Variants in TAF10 observed in about 807,000 individuals in gnomAD.
TAF10 encodes the protein TATA-box binding protein associated factor 10, also known as transcription initiation factor TFIID subunit 10.
Under a neutral mutation model 18.1 loss-of-function variants are expected in TAF10, and 2 were observed. The observed-to-expected ratio is 0.11, with a 90% CI of 0.05 to 0.35. The LOEUF (loss-of-function observed/expected upper bound fraction) is 0.35, where lower values mean the gene tolerates loss of function less well. Ranked by LOEUF, TAF10 falls within the 10% of genes least tolerant of loss-of-function variation. The probability of loss-of-function intolerance (pLI) is 1.00; values close to 1 mark genes in which losing one functional copy is unlikely to be tolerated. For synonymous variants in TAF10, 158 were observed against 134.6 expected (o/e 1.17, Z -1.20); for missense variants, 293 against 306.9 (o/e 0.95, Z 0.34).
rs1169840219 is a variant in TAF10 at position 6,610,610 on chromosome 11, A to G, written c.*312T>C. The G allele has an allele frequency of 1.9e-6, 3 of 1,614,118 alleles. No individual in the cohort carries two copies. Reference sequence around the variant, plus strand: ...ATCCTTGAGAAGATGCAGGACAAGTAGGACTGGAAGGTCCTTGCCTGAACT... The same window carrying G: ...ATCCTTGAGAAGATGCAGGACAAGTGGGACTGGAAGGTCCTTGCCTGAACT... On this transcript the variant is annotated 3_prime_UTR_variant, in exon 5 of 5. Coordinates refer to ENST00000299424, the MANE Select transcript of TAF10 (RefSeq NM_006284.4).
In TAF10 at chr11:6,610,966, T is replaced by C; in HGVS notation, c.613A>G (p.Ser205Gly). ...TTCTTCACATTGATGCCATACTCGC[T>C]GAGGGCAGGGGTCAAGTCCTCCATG... ...LTMEDLTPAL[S>G]EYGINVKKPH... The change falls in exon 5 of 5, where the codon AGC becomes GGC. Residue 205 changes from serine (S) to glycine (G), a missense_variant. By Grantham distance (56) the Ser-to-Gly change is moderately conservative. Coordinates refer to ENST00000299424, the MANE Select transcript of TAF10 (RefSeq NM_006284.4). 1 of 1,614,202 alleles carries C rather than the reference T, an allele frequency of 6.2e-7. No homozygotes were observed. Among genetic ancestry groups the C allele is most frequent in the East Asian group, 2.2e-5 (1 of 44,884 alleles).
rs1305586718 is a variant in TAF10, at chr11:6,608,715, C to G, written c.*2207G>C. On this transcript the variant is annotated 3_prime_UTR_variant, in exon 5 of 5. Transcript: ENST00000299424. This position sits in a 1 kb window ranked among gnomAD's most constrained non-coding sequence, Gnocchi z 4.9. ...CCAGGACCTGGTGGCAAATGGGGCCCTTGTCAGCATCTGTAACAAGTATGG... is the reference window on the plus strand; with the variant it reads ...CCAGGACCTGGTGGCAAATGGGGCCGTTGTCAGCATCTGTAACAAGTATGG... The G allele has an allele frequency of 3.1e-6, 5 of 1,614,126 alleles. No homozygotes were observed. The East Asian group carries it at 8.9e-5, about 29-fold the overall frequency.
rs778268421 is a variant in TAF10 at position 6,609,451 on chromosome 11, C to T, written c.*1471G>A. ...CTGGAAGCTGCTAGTTCCAAGGAAC[C>T]CTGAATAGCACTGAAAGAGATCTTT... is the stretch of plus-strand genomic sequence containing the variant. On this transcript the variant is annotated 3_prime_UTR_variant, in exon 5 of 5. Coordinates refer to ENST00000299424, the MANE Select transcript of TAF10 (RefSeq NM_006284.4). 2.7e-5 allele frequency: 43 copies of T among 1,613,694 alleles called. No homozygotes were observed. The highest frequency in any genetic ancestry group is 1.3e-5 in the Non-Finnish European group (15 of 1,179,808).
Position 6,609,920 on chromosome 11 carries a change from G to A in TAF10, c.*1002C>T, listed in dbSNP as rs1564849157. 6.2e-7 allele frequency: 1 copy of A among 1,614,138 alleles called. No individual in the cohort carries two copies. The highest frequency in any genetic ancestry group is 1.1e-5 in the South Asian group (1 of 91,088). Reference sequence around the variant, plus strand: ...ATCTATGACTTACCTCCTTCTATCTGTTTTCTCTTCCTCAGATTGATGAGG... The same window carrying A: ...ATCTATGACTTACCTCCTTCTATCTATTTTCTCTTCCTCAGATTGATGAGG... On this transcript the variant is annotated 3_prime_UTR_variant, in exon 5 of 5. Transcript: ENST00000299424.
At chr11:6,611,883 T>G (rs1855473023) in intron 1 of TAF10, 65 bp from the exon 2 acceptor site, 12 of 1,565,934 alleles carry the variant, frequency 7.7e-6, no homozygotes, top group Non-Finnish European at 8.6e-6. Flanking sequence ...TAGGTCTGTC[T>G]ATACCCTCTG....
intron 4 of TAF10, 81 bp from the exon 5 acceptor site, chr11:6,611,092 AC>A: frequency 3.8e-6 from 6 of 1,588,546 alleles, no homozygotes; most frequent in Non-Finnish European, 5.2e-6. Context: ...AGTAAGTCTT[AC>A]ACCTCCCCTA....
Position 6,610,260 on chromosome 11 carries a change from T to C in TAF10, c.*662A>G. The C allele has an allele frequency of 2.5e-6, 4 of 1,614,136 alleles. No individual in the cohort carries two copies. The highest frequency in any genetic ancestry group is 3.4e-6 in the Non-Finnish European group (4 of 1,180,008). On this transcript the variant is annotated 3_prime_UTR_variant, in exon 5 of 5. Transcript: ENST00000299424. ...AGGTACCCTTTGCTGACCTCTCCAATATGGAGATTGGAATGAAGGTGAGAG... is the reference window on the plus strand; with the variant it reads ...AGGTACCCTTTGCTGACCTCTCCAACATGGAGATTGGAATGAAGGTGAGAG...
Position 6,610,031 on chromosome 11 carries a change from C to T in TAF10, c.*891G>A, listed in dbSNP as rs1370717210. 9 of 1,614,108 alleles carry T rather than the reference C, an allele frequency of 5.6e-6. No individual in the cohort carries two copies. The highest frequency in any genetic ancestry group is 2.2e-5 in the East Asian group (1 of 44,880). ...TGTATGCACCTGCCTGGGTAGCCCCCGAAGGTGAGTGAAGTCATCATGTCG... is the reference window on the plus strand; with the variant it reads ...TGTATGCACCTGCCTGGGTAGCCCCTGAAGGTGAGTGAAGTCATCATGTCG... On this transcript the variant is annotated 3_prime_UTR_variant, in exon 5 of 5. Coordinates refer to ENST00000299424, the MANE Select transcript of TAF10 (RefSeq NM_006284.4).
At position 6,609,468 on chromosome 11, in the gene TAF10, G is replaced by A. The variant is rs375881173; in HGVS notation, c.*1454C>T. 40 of 1,614,076 alleles carry A rather than the reference G, an allele frequency of 2.5e-5. No individual in the cohort carries two copies. The Admixed American group carries it at 2.8e-4, about 11-fold the overall frequency. On this transcript the variant is annotated 3_prime_UTR_variant, in exon 5 of 5. Transcript: ENST00000299424. ...CAAGGAACCCTGAATAGCACTGAAA[G>A]AGATCTTTTGTACTGGGTCTCAACC...
At position 6,608,574 on chromosome 11, in the gene TAF10, C is replaced by A; in HGVS notation, c.*2348G>T. 1 of 1,343,026 alleles carries A rather than the reference C, an allele frequency of 7.4e-7. No homozygotes were observed. The highest frequency in any genetic ancestry group is 1.1e-6 in the Non-Finnish European group (1 of 932,950). The allele number at this position is 1,343,026 out of a possible 1,614,324, so 83.2% of individuals were successfully genotyped here. ...GAGATTTTGGAACCCTCAACCCATT[C>A]TGTCAGTACTACTGTGTGACACTTA... On this transcript the variant is annotated 3_prime_UTR_variant, in exon 5 of 5. Transcript: ENST00000299424. This position sits in a 1 kb window ranked among gnomAD's most constrained non-coding sequence, Gnocchi z 4.9.
chr11:6,611,863 G>C, intron 1 of TAF10, 45 bp from the exon 2 acceptor site: 1 of 1,583,348 alleles, frequency 6.3e-7, no homozygotes, highest in Non-Finnish European at 8.6e-7. Context: ...GGGAGGCGCA[G>C]GGCCCCAGCT....
chr11:6,611,403 G>A lies in TAF10; in HGVS notation c.437C>T (p.Ala146Val). ...GTTTACTCACATGCGTGGGTCTGAG[G>A]CCTCAAAGCCAGCACGGTTCAGGTA... ...GYYLNRAGFE[A>V]SDPRIIRLIS... Residue 146 changes from alanine to valine, a missense_variant, in exon 3 of 5, where the codon GCC (alanine) becomes GTC (valine). Coordinates refer to ENST00000299424, the MANE Select transcript of TAF10 (RefSeq NM_006284.4). The A allele has an allele frequency of 6.2e-7, 1 of 1,614,156 alleles. No homozygotes were observed. The highest frequency in any genetic ancestry group is 8.5e-7 in the Non-Finnish European group (1 of 1,180,030).
In TAF10 at chr11:6,611,657, A is replaced by C; in HGVS notation, c.387+7T>G. ...GGCTAGGTGGCCTTGTTCGGGCGGA[A>C]GCCCACCGTAGGCGTGTAATCTTCC... On this transcript the variant is annotated splice_region_variant and intron_variant, in intron 2 of 4. Transcript: ENST00000299424. The C allele has an allele frequency of 6.3e-7, 1 of 1,579,144 alleles. No homozygotes were observed. Among genetic ancestry groups the C allele is most frequent in the Non-Finnish European group, 8.6e-7 (1 of 1,160,582 alleles).
Position 6,610,027 on chromosome 11 carries a change from C to G in TAF10, c.*895G>C. The G allele has an allele frequency of 6.2e-7, 1 of 1,614,142 alleles. No individual in the cohort carries two copies. Among genetic ancestry groups the G allele is most frequent in the Non-Finnish European group, 8.5e-7 (1 of 1,180,020 alleles). On this transcript the variant is annotated 3_prime_UTR_variant, in exon 5 of 5. Transcript: ENST00000299424. ...CGCATGTATGCACCTGCCTGGGTAG[C>G]CCCCGAAGGTGAGTGAAGTCATCAT...
Position 6,606,909 on chromosome 11 carries a change from A to C in TAF10, c.*4013T>G, listed in dbSNP as rs1335835917. 6.6e-6 allele frequency: 1 copy of C among 152,236 alleles called. No homozygotes were observed. The highest frequency in any genetic ancestry group is 2.4e-5 in the African/African-American group (1 of 41,450). The allele number at this position is 152,236 out of a possible 1,614,324, so 9.4% of individuals were successfully genotyped here. A position where few individuals can be genotyped will look rare whatever the true frequency, so the allele number is the denominator to read the frequency against. On this transcript the variant is annotated 3_prime_UTR_variant, in exon 5 of 5. Coordinates refer to ENST00000299424, the MANE Select transcript of TAF10 (RefSeq NM_006284.4). Reference sequence around the variant, plus strand: ...AGACCAACTGATAAACAGGGGGCGTAATGCTTCCTGGGGATAATCCCATCT... The same window carrying C: ...AGACCAACTGATAAACAGGGGGCGTCATGCTTCCTGGGGATAATCCCATCT...
chr11:6,608,590 G>T lies in TAF10; in HGVS notation c.*2332C>A. ...CAACCCATTCTGTCAGTACTACTGTGTGACACTTACAGGATTAAGTTCTAC... is the reference window on the plus strand; with the variant it reads ...CAACCCATTCTGTCAGTACTACTGTTTGACACTTACAGGATTAAGTTCTAC... On this transcript the variant is annotated 3_prime_UTR_variant, in exon 5 of 5. Transcript: ENST00000299424. This position sits in a 1 kb window ranked among gnomAD's most constrained non-coding sequence, Gnocchi z 4.9. 1 of 1,336,410 alleles carries T rather than the reference G, an allele frequency of 7.5e-7. No homozygotes were observed. Among genetic ancestry groups the T allele is most frequent in the Admixed American group, 1.7e-5 (1 of 59,678 alleles). The allele number at this position is 1,336,410 out of a possible 1,614,324, so 82.8% of individuals were successfully genotyped here.
Position 6,608,634 on chromosome 11 carries a change from G to T in TAF10, c.*2288C>A. ...GTTCTACATTTGTGCATTCATGGTT[G>T]GTTCAGTGACTGCCAGCGAGGTAGC... On this transcript the variant is annotated 3_prime_UTR_variant, in exon 5 of 5. Coordinates refer to ENST00000299424, the MANE Select transcript of TAF10 (RefSeq NM_006284.4). This position sits in a 1 kb window ranked among gnomAD's most constrained non-coding sequence, Gnocchi z 4.9. 2 of 1,428,920 alleles carry T rather than the reference G, an allele frequency of 1.4e-6. No individual in the cohort carries two copies. The highest frequency in any genetic ancestry group is 2.0e-6 in the Non-Finnish European group (2 of 1,011,080). 88.5% of individuals were successfully genotyped at this position (1,428,920 alleles called of 1,614,324 possible).
In TAF10 at chr11:6,608,806, C is replaced by T. The variant is rs574384765; in HGVS notation, c.*2116G>A. 14 of 1,612,570 alleles carry T rather than the reference C, an allele frequency of 8.7e-6. No homozygotes were observed. Among genetic ancestry groups the T allele is most frequent in the South Asian group, 3.3e-5 (3 of 91,054 alleles). On this transcript the variant is annotated 3_prime_UTR_variant, in exon 5 of 5. Coordinates refer to ENST00000299424, the MANE Select transcript of TAF10 (RefSeq NM_006284.4). The surrounding 1 kb of genome is among the most constrained non-coding windows in gnomAD (Gnocchi z 4.9). ...CTTCTCCGAGGTCCATCTCCCCATCCCCTAGCTTGTGTCCTCTCGTCCCTT... is the reference window on the plus strand; with the variant it reads ...CTTCTCCGAGGTCCATCTCCCCATCTCCTAGCTTGTGTCCTCTCGTCCCTT...
In TAF10 at chr11:6,606,553, A is replaced by ATCTAGGAAGACTCTAGCTGAG. The variant is rs781365569; in HGVS notation, c.*4348_*4368dup. The ATCTAGGAAGACTCTAGCTGAG allele has an allele frequency of 2.1e-5, 3 of 144,544 alleles. No homozygotes were observed. The highest frequency in any genetic ancestry group is 3.9e-4 in the East Asian group (2 of 5,128). 9.0% of individuals were successfully genotyped at this position (144,544 alleles called of 1,614,324 possible). On this transcript the variant is annotated 3_prime_UTR_variant, in exon 5 of 5. Coordinates refer to ENST00000299424, the MANE Select transcript of TAF10 (RefSeq NM_006284.4). ...TAGGCAGTTGCCCAGTGGGCCTAGC[A>ATCTAGGAAGACTCTAGCTGAG]TCTAGGAAGACTCTAGCTGAGTCTA...
Sources: gnomAD v4.1 joint callset for allele counts on GRCh38, gnomAD v4.1.1 for gene constraint, Gnocchi (gnomAD v3.1) non-coding constraint, MANE v1.5 for transcripts, NCBI Gene and HGNC (gene_info 2026-07-23, HGNC 2026-07-21) for gene names.